Variants in KIFC3 observed in about 807,000 individuals in gnomAD.
The protein encoded by KIFC3 is kinesin-like protein KIFC3.
Under a neutral mutation model 101.8 loss-of-function variants are expected in KIFC3, and 60 were observed. The ratio of observed to expected loss-of-function variants is 0.59; its 90% CI spans 0.48 to 0.73. The LOEUF is 0.73. Among genes scored for constraint, KIFC3 ranks in the 30% least tolerant of loss-of-function variants. KIFC3 has a pLI of 0.00. For missense variants in KIFC3, 966 were observed against 1,137.1 expected, an observed-to-expected ratio of 0.85 and a Z score of 2.16; for synonymous variants, 476 against 482.7, an observed-to-expected ratio of 0.99 and a Z score of 0.18.
intron 3 of KIFC3, chr16:57,776,210 G>C (rs781951834): frequency 1.1e-4 from 105 of 985,418 alleles, no homozygotes; most frequent in Non-Finnish European, 1.2e-4. Context: ...GCTGAGCTGG[G>C]AAGGCCAGAG....
chr16:57,788,022 C>T (rs2053508180), intron 3 of KIFC3, among the ~76,000 whole-genome samples: 1 of 152,242 alleles, frequency 6.6e-6, no homozygotes, highest in Non-Finnish European at 1.5e-5. Flanking sequence ...GGCATGGACC[C>T]GTAAGACTAC....
intron 2 of KIFC3, chr16:57,797,633 G>A (rs563041164): frequency 1.1e-5 from 11 of 1,024,884 alleles, no homozygotes; most frequent in East Asian, 9.5e-5. Context: ...CACTCCCAAC[G>A]CCGTCCAGGG....
At chr16:57,760,006 T>G in intron 17 of KIFC3, 170 bp from the exon 18 acceptor site, 1 of 617,680 alleles carries the variant, frequency 1.6e-6, no homozygotes, top group South Asian at 2.0e-5. Flanking sequence ...TTAAATGAGA[T>G]AATTCATGTA....
chr16:57,760,574 G>A, intron 16 of KIFC3, 152 bp downstream of exon 16: 3 of 1,087,262 alleles, frequency 2.8e-6, no homozygotes, highest in Non-Finnish European at 4.1e-6. Context: ...TGTGGTCAAA[G>A]GTGGAGAGGA....
At chr16:57,782,089 TGAGTCAAACCACAG>T in intron 3 of KIFC3, 10 of 985,482 alleles carry the variant, frequency 1.0e-5, no homozygotes, top group Non-Finnish European at 1.2e-5. Flanking sequence ...AGTCCAAGTC[TGAGTCAAACCACAG>T]TGAGGCCAGC....
chr16:57,824,826 G>T lies in KIFC3; in HGVS notation c.109-26544C>A, dbSNP rs73558688. 9.3e-3 allele frequency among the ~76,000 whole-genome samples: 1,413 copies of T among 152,270 alleles called. 21 individuals carry two copies. The highest frequency in any genetic ancestry group is 0.032 in the African/African-American group (1,336 of 41,546). On this transcript the variant is annotated intron_variant, in intron 1 of 2. Coordinates refer to the KIFC3 transcript ENST00000563028. ...CGGTACCTTTTTCTAAGGAATTTTT[G>T]TAAAGATGGGGTCTCGCTCTATTCC...
At chr16:57,788,822 C>T (rs74022044) in intron 3 of KIFC3, 115,761 of 1,066,944 alleles carry the variant, frequency 0.11, 6,904 homozygotes, top group African/African-American at 0.2. Context: ...CAGGGCCCAG[C>T]GGGTCCAGTC....
intron 1 of KIFC3, among the ~76,000 whole-genome samples, chr16:57,814,042 T>C (rs1279369833): frequency 6.6e-6 from 1 of 152,134 alleles, no homozygotes; most frequent in Non-Finnish European, 1.5e-5. Flanking sequence ...CCACACTGCC[T>C]CTCAAGGGCA....
At chr16:57,844,349 G>T (rs568381828) in intron 1 of KIFC3, among the ~76,000 whole-genome samples, 1 of 146,778 alleles carries the variant, frequency 6.8e-6, no homozygotes, top group South Asian at 2.2e-4. Flanking sequence ...AAAATTGCTT[G>T]AACCCGGGAG....
chr16:57,761,171 C>T lies in KIFC3; in HGVS notation c.1873G>A (p.Val625Met), dbSNP rs900944472. Reference sequence around the variant, plus strand: ...CGATTAGTGTGGCCAAACTCAAACACCTGGGGGATTGGGAGGAGGGCAGAG... The same window carrying T: ...CGATTAGTGTGGCCAAACTCAAACATCTGGGGGATTGGGAGGAGGGCAGAG... ...QVQSVDDINK[V>M]FEFGHTNRTT... Residue 625 changes from valine to methionine, a missense_variant and splice_region_variant, in exon 15 of 20, where the codon GTG (valine) becomes ATG (methionine). Transcript: ENST00000445690. The T allele has an allele frequency of 6.2e-7, 1 of 1,613,770 alleles. No individual in the cohort carries two copies. Among genetic ancestry groups the T allele is most frequent in the Admixed American group, 1.7e-5 (1 of 60,008 alleles).
chr16:57,858,877 G>T (rs1369551460), intron 1 of KIFC3, among the ~76,000 whole-genome samples: 2 of 152,082 alleles, frequency 1.3e-5, no homozygotes, highest in Admixed American at 1.3e-4. Context: ...TTGAACTGGG[G>T]AAATCAATGC....
intron 1 of KIFC3, among the ~76,000 whole-genome samples, chr16:57,849,852 G>A (rs1344131180): frequency 1.3e-5 from 2 of 152,062 alleles, no homozygotes; most frequent in Non-Finnish European, 2.9e-5. Context: ...GCAGTGAGCC[G>A]AGATCATGCC....
rs1415893325 is a variant in KIFC3, at chr16:57,788,504, A to G, written c.315+6495T>C. On this transcript the variant is annotated intron_variant, in intron 3 of 19. Transcript: ENST00000445690. Reference sequence around the variant, plus strand: ...AGGACAGGGCATGGGGATATCACCAACTGCACAAGAGCCTCCCTCCTGCGC... The same window carrying G: ...AGGACAGGGCATGGGGATATCACCAGCTGCACAAGAGCCTCCCTCCTGCGC... The G allele has an allele frequency of 3.3e-6, 4 of 1,220,108 alleles. No individual in the cohort carries two copies. In the Admixed American group the frequency reaches 1.1e-4, roughly 34 times the overall value. 75.6% of individuals were successfully genotyped at this position (1,220,108 alleles called of 1,614,324 possible).
At chr16:57,834,130 G>C (rs2055640981) in intron 1 of KIFC3, among the ~76,000 whole-genome samples, 1 of 152,046 alleles carries the variant, frequency 6.6e-6, no homozygotes, top group Non-Finnish European at 1.5e-5. Flanking sequence ...CAAAGTGCTG[G>C]GATTACAGGC....
In KIFC3 at chr16:57,758,778, G is replaced by A. The variant is rs782568792; in HGVS notation, c.*156C>T. The A allele has an allele frequency of 8.6e-7, 1 of 1,157,384 alleles. No individual in the cohort carries two copies. Among genetic ancestry groups the A allele is most frequent in the Non-Finnish European group, 1.3e-6 (1 of 772,982 alleles). The allele number at this position is 1,157,384 out of a possible 1,614,324, so 71.7% of individuals were successfully genotyped here. A position where few individuals can be genotyped will look rare whatever the true frequency, so the allele number is the denominator to read the frequency against. On this transcript the variant is annotated 3_prime_UTR_variant, in exon 20 of 20. Coordinates refer to ENST00000445690, the MANE Select transcript of KIFC3 (RefSeq NM_001130100.2). ...GTTTCTCATCTTTGAGGGGAGACGG[G>A]GCAGAAGAAGAGCCTCCACTCTCGC... is the stretch of plus-strand genomic sequence containing the variant.
chr16:57,786,350 C>T (rs1488002664), intron 3 of KIFC3, among the ~76,000 whole-genome samples: 1 of 152,230 alleles, frequency 6.6e-6, no homozygotes, highest in Non-Finnish European at 1.5e-5. Context: ...ACTGTCCTGT[C>T]ACCAGGAACG....
chr16:57,844,480 T>C (rs1008413543), intron 1 of KIFC3, among the ~76,000 whole-genome samples: 6 of 150,440 alleles, frequency 4.0e-5, no homozygotes, highest in Admixed American at 2.0e-4. Flanking sequence ...TGGCAAGGTC[T>C]GGTGAAGGAC....
upstream of KIFC3, chr16:57,803,195 C>A: frequency 1.4e-6 from 1 of 732,642 alleles, no homozygotes; most frequent in Non-Finnish European, 2.4e-6. Flanking sequence ...AATGGTGCAG[C>A]AGTTCCCGGC....
At chr16:57,792,162 T>C (rs1488591190) in intron 3 of KIFC3, among the ~76,000 whole-genome samples, 5 of 152,208 alleles carry the variant, frequency 3.3e-5, no homozygotes, top group African/African-American at 1.2e-4. Context: ...TCAGTGTGTG[T>C]GGATGGTCAG....
Sources: gnomAD v4.1 joint callset for allele counts (sites outside exome capture counted in the v4.1 genomes callset) on GRCh38, gnomAD v4.1.1 for gene constraint, MANE v1.5 for transcripts, NCBI Gene and HGNC (gene_info 2026-07-23, HGNC 2026-07-21) for gene names.